Variants in NUSAP1 observed in about 807,000 individuals in gnomAD.
NUSAP1 encodes the protein nucleolar and spindle-associated protein 1.
NUSAP1 carries 32 observed loss-of-function variants against 52.8 expected under a neutral mutation model. That is an observed-to-expected ratio of 0.61 (90% CI 0.46 to 0.81). The LOEUF (loss-of-function observed/expected upper bound fraction) is 0.81, where lower values mean the gene tolerates loss of function less well. Among genes scored for constraint, NUSAP1 ranks in the 40% least tolerant of loss-of-function variants. The pLI is 0.00. For synonymous variants in NUSAP1, 195 were observed against 183.1 expected, an observed-to-expected ratio of 1.06 and a Z score of -0.52; for missense variants, 499 against 522.3, an observed-to-expected ratio of 0.96 and a Z score of 0.43.
intron 6 of NUSAP1, among the ~76,000 whole-genome samples, chr15:41,360,131 G>GT (rs1259597494): frequency 6.6e-6 from 1 of 151,454 alleles, no homozygotes; most frequent in Non-Finnish European, 1.5e-5. Flanking sequence ...GCTAATATTT[G>GT]TATTTGTAAT....
At chr15:41,350,430 AC>A (rs1177348603) in intron 3 of NUSAP1, among the ~76,000 whole-genome samples, 1 of 152,060 alleles carries the variant, frequency 6.6e-6, no homozygotes, top group East Asian at 1.9e-4. Context: ...GAAAAGAGTA[AC>A]ATTAAAAGAA....
At chr15:41,334,323 T>A (rs1022259644) in intron 1 of NUSAP1, among the ~76,000 whole-genome samples, 1 of 152,138 alleles carries the variant, frequency 6.6e-6, no homozygotes, top group Non-Finnish European at 1.5e-5. Flanking sequence ...TTCACCATGT[T>A]GGTCAGGCTG....
intron 6 of NUSAP1, among the ~76,000 whole-genome samples, chr15:41,361,426 A>T (rs554483776): frequency 1.1e-3 from 164 of 152,194 alleles, no homozygotes; most frequent in Middle Eastern, 3.4e-3. Context: ...AAGTTAATTT[A>T]AAAAAATGTT....
intron 1 of NUSAP1, among the ~76,000 whole-genome samples, chr15:41,339,939 G>A (rs1407060386): frequency 2.0e-5 from 3 of 151,544 alleles, no homozygotes; most frequent in South Asian, 2.1e-4. Flanking sequence ...CCACCACCAC[G>A]CCCAGCTATT....
intron 1 of NUSAP1, among the ~76,000 whole-genome samples, chr15:41,339,762 A>G (rs1360969046): frequency 6.6e-6 from 1 of 151,476 alleles, no homozygotes; most frequent in African/African-American, 2.4e-5. Context: ...AATTTAGGGG[A>G]AGAAATTAAT....
At chr15:41,337,914 TTTTTC>T (rs2048219131) in intron 1 of NUSAP1, among the ~76,000 whole-genome samples, 1 of 150,646 alleles carries the variant, frequency 6.6e-6, no homozygotes, top group East Asian at 1.9e-4. Flanking sequence ...ACCCCATTTT[TTTTTC>T]TTTTCTTTTT....
chr15:41,339,766 A>C (rs539941603), intron 1 of NUSAP1, among the ~76,000 whole-genome samples: 1 of 151,742 alleles, frequency 6.6e-6, no homozygotes, highest in South Asian at 2.1e-4. Flanking sequence ...TAGGGGAAGA[A>C]ATTAATTTTT....
chr15:41,355,909 A>AAAAGTT, intron 4 of NUSAP1, 130 bp from the exon 5 acceptor site: 1 of 580,512 alleles, frequency 1.7e-6, no homozygotes, highest in Non-Finnish European at 3.1e-6. Flanking sequence ...TGATCTTCTG[A>AAAAGTT]CCTCGTGATC....
In NUSAP1 at chr15:41,332,881, G is replaced by A. The variant is rs542714462; in HGVS notation, c.-77G>A. 1.7e-6 allele frequency: 2 copies of A among 1,149,548 alleles called. No individual in the cohort carries two copies. Among genetic ancestry groups the A allele is most frequent in the Non-Finnish European group, 2.6e-6 (2 of 782,192 alleles). 71.2% of individuals were successfully genotyped at this position (1,149,548 alleles called of 1,614,324 possible). A position where few individuals can be genotyped will look rare whatever the true frequency, so the allele number is the denominator to read the frequency against. On this transcript the variant is annotated 5_prime_UTR_variant, in exon 1 of 11. The change creates a new upstream start codon in the 5' untranslated region. Coordinates refer to ENST00000559596, the MANE Select transcript of NUSAP1 (RefSeq NM_016359.5). Reference sequence around the variant, plus strand: ...AATTTCTGCCTAGTCAAAGTTAAGAGTGGCGCCAGGGATTTGAACCGCGCT... The same window carrying A: ...AATTTCTGCCTAGTCAAAGTTAAGAATGGCGCCAGGGATTTGAACCGCGCT...
chr15:41,350,633 G>A (rs2048743201), intron 3 of NUSAP1, among the ~76,000 whole-genome samples: 1 of 151,820 alleles, frequency 6.6e-6, no homozygotes, highest in Admixed American at 6.6e-5. Context: ...CCACATTCTG[G>A]GCCTTAGTTT....
Position 41,354,670 on chromosome 15 carries a change from G to GAT in NUSAP1, c.449-1350_449-1349dup, listed in dbSNP as rs10541882. On this transcript the variant is annotated intron_variant, in intron 4 of 10. Coordinates refer to ENST00000559596, the MANE Select transcript of NUSAP1 (RefSeq NM_016359.5). ...AAAACTGAAAAAGTTTGTTTTAACC[G>GAT]ATATATATATATATATATATGTTTA... Among the ~76,000 whole-genome samples, 1,148 of 146,060 alleles carry GAT rather than the reference G, an allele frequency of 7.9e-3. 6 individuals are homozygous for GAT. Among genetic ancestry groups the GAT allele is most frequent in the Non-Finnish European group, 0.012 (819 of 66,562 alleles).
chr15:41,368,452 C>A (rs1410788659), intron 7 of NUSAP1, among the ~76,000 whole-genome samples: 1 of 152,134 alleles, frequency 6.6e-6, no homozygotes, highest in East Asian at 1.9e-4. Context: ...ATTAACTCTT[C>A]CTCAAATACC....
At chr15:41,373,439 A>G (rs1411933227) in intron 8 of NUSAP1, among the ~76,000 whole-genome samples, 1 of 146,848 alleles carries the variant, frequency 6.8e-6, no homozygotes, top group Non-Finnish European at 1.5e-5. Context: ...TGGTGCAAAA[A>G]TTCATATTCT....
At chr15:41,333,444 CCAAA>C (rs2047997818) in intron 1 of NUSAP1, among the ~76,000 whole-genome samples, 1 of 152,010 alleles carries the variant, frequency 6.6e-6, no homozygotes, top group South Asian at 2.1e-4. Flanking sequence ...CTGGAAAACC[CCAAA>C]CAGACTCCAG....
intron 8 of NUSAP1, among the ~76,000 whole-genome samples, chr15:41,374,309 G>A (rs752230915): frequency 3.9e-5 from 6 of 152,104 alleles, no homozygotes; most frequent in Non-Finnish European, 5.9e-5. Context: ...GCATGATTCT[G>A]GTGAGGGCTG....
At chr15:41,370,587 C>G (rs1348078549) in intron 7 of NUSAP1, among the ~76,000 whole-genome samples, 1 of 151,634 alleles carries the variant, frequency 6.6e-6, no homozygotes, top group African/African-American at 2.4e-5. Context: ...CCCATCTCTA[C>G]TAAAAATACA....
intron 10 of NUSAP1, among the ~76,000 whole-genome samples, chr15:41,379,713 T>TAG (rs2050132553): frequency 6.6e-6 from 1 of 151,760 alleles, no homozygotes; most frequent in South Asian, 2.1e-4. Flanking sequence ...CCTGGCTACC[T>TAG]TTTTTGTATT....
At chr15:41,378,309 GA>G (rs1567081258) in intron 10 of NUSAP1, among the ~76,000 whole-genome samples, 2 of 152,096 alleles carry the variant, frequency 1.3e-5, no homozygotes, top group African/African-American at 4.8e-5. Context: ...CTATAAAGAG[GA>G]AAAACCCAGG....
chr15:41,352,250 G>T (rs113923952), intron 4 of NUSAP1, among the ~76,000 whole-genome samples: 2 of 151,760 alleles, frequency 1.3e-5, no homozygotes, highest in African/African-American at 4.8e-5. Context: ...CCTTCCTTTC[G>T]CTTTCTTTTG....
Sources: gnomAD v4.1 joint callset for allele counts (sites outside exome capture counted in the v4.1 genomes callset) on GRCh38, gnomAD v4.1.1 for gene constraint, MANE v1.5 for transcripts, NCBI Gene and HGNC (gene_info 2026-07-23, HGNC 2026-07-21) for gene names.